PLXNA4: variants seen among roughly 807,000 people sequenced by gnomAD.
PLXNA4 encodes the protein plexin-A4.
PLXNA4 carries 44 observed loss-of-function variants against 191.8 expected under a neutral mutation model. That is an observed-to-expected ratio of 0.23 (90% confidence interval 0.18 to 0.29). PLXNA4 has a LOEUF of 0.29. Ranked by LOEUF, PLXNA4 falls within the 10% of genes least tolerant of loss-of-function variation. PLXNA4 has a pLI of 1.00. For missense variants in PLXNA4, 1,800 were observed against 2,488.8 expected, an observed-to-expected ratio of 0.72 and a Z score of 5.89; for synonymous variants, 1,082 against 1,009.5, an observed-to-expected ratio of 1.07 and a Z score of -1.36.
chr7:132,585,483 C>T (rs1421495477), intron 2 of PLXNA4, among the ~76,000 whole-genome samples: 1 of 152,014 alleles, frequency 6.6e-6, no homozygotes, highest in Admixed American at 6.6e-5. Flanking sequence ...GAGCCTGGCC[C>T]CCAAAGTGAC....
intron 3 of PLXNA4, among the ~76,000 whole-genome samples, chr7:132,397,558 C>A (rs1395757356): frequency 6.6e-6 from 1 of 152,180 alleles, no homozygotes; most frequent in Non-Finnish European, 1.5e-5. Flanking sequence ...CAGCTTCCCC[C>A]AAATCCAGGA....
At chr7:132,256,372 A>T (rs1409020097) in intron 4 of PLXNA4, among the ~76,000 whole-genome samples, 1 of 152,098 alleles carries the variant, frequency 6.6e-6, no homozygotes, top group Non-Finnish European at 1.5e-5. Flanking sequence ...CCTGCTTCGG[A>T]TGTTGCTGGG....
chr7:132,333,269 G>A (rs1411401106), intron 3 of PLXNA4, among the ~76,000 whole-genome samples: 1 of 152,214 alleles, frequency 6.6e-6, no homozygotes, highest in African/African-American at 2.4e-5. Context: ...GGCTTGTTGA[G>A]GGACTCCCAC....
At chr7:132,562,920 C>T (rs1469547249) in intron 1 of PLXNA4, among the ~76,000 whole-genome samples, 1 of 114,356 alleles carries the variant, frequency 8.7e-6, no homozygotes, top group Non-Finnish European at 1.8e-5. Context: ...CCTCTTCCTC[C>T]TCCTCCTCTC....
At chr7:132,233,103 G>C (rs1798578672) in intron 5 of PLXNA4, among the ~76,000 whole-genome samples, 1 of 152,166 alleles carries the variant, frequency 6.6e-6, no homozygotes. Flanking sequence ...AAAAAGAAAG[G>C]GGGTAAGGAT....
At chr7:132,459,991 C>T (rs1444862960) in intron 3 of PLXNA4, among the ~76,000 whole-genome samples, 2 of 151,898 alleles carry the variant, frequency 1.3e-5, no homozygotes, top group East Asian at 3.9e-4. Context: ...ATACCAGTAC[C>T]CAATGCAGTC....
At chr7:132,412,996 T>C (rs1794521076) in intron 3 of PLXNA4, among the ~76,000 whole-genome samples, 1 of 148,910 alleles carries the variant, frequency 6.7e-6, no homozygotes, top group Admixed American at 6.6e-5. Flanking sequence ...CTGAGGTCTT[T>C]AGAAACAAAG....
chr7:132,482,172 T>G (rs1797363995), intron 3 of PLXNA4, among the ~76,000 whole-genome samples: 1 of 152,158 alleles, frequency 6.6e-6, no homozygotes, highest in African/African-American at 2.4e-5. Context: ...CAGAGTCCCT[T>G]CCTGGAGTGT....
At chr7:132,336,980 C>G (rs557434692) in intron 3 of PLXNA4, among the ~76,000 whole-genome samples, 1 of 152,350 alleles carries the variant, frequency 6.6e-6, no homozygotes, top group African/African-American at 2.4e-5. Flanking sequence ...TCCCATCACA[C>G]CCAGGAAATC....
chr7:132,478,048 A>C (rs1481733001), intron 3 of PLXNA4, among the ~76,000 whole-genome samples: 1 of 152,192 alleles, frequency 6.6e-6, no homozygotes, highest in Non-Finnish European at 1.5e-5. Context: ...CATCAGTACT[A>C]TCAGCATCCC....
At chr7:132,623,858 C>A (rs927075717) in intron 2 of PLXNA4, among the ~76,000 whole-genome samples, 3 of 152,208 alleles carry the variant, frequency 2.0e-5, no homozygotes, top group African/African-American at 7.2e-5. Context: ...AACGTTGGAC[C>A]ATAAAGCCAA....
chr7:132,171,966 T>C (rs2116683464), intron 21 of PLXNA4, among the ~76,000 whole-genome samples: 1 of 152,358 alleles, frequency 6.6e-6, no homozygotes, highest in South Asian at 2.1e-4. Flanking sequence ...CCTGGACTGC[T>C]TTCCAGGGAT....
At chr7:132,402,666 A>G (rs1794041042) in intron 3 of PLXNA4, among the ~76,000 whole-genome samples, 1 of 152,240 alleles carries the variant, frequency 6.6e-6, no homozygotes, top group Admixed American at 6.5e-5. Flanking sequence ...ATCACAGGGT[A>G]TGCAGAGCAA....
At chr7:132,606,928 A>T (rs1473816113) in intron 2 of PLXNA4, among the ~76,000 whole-genome samples, 1 of 152,222 alleles carries the variant, frequency 6.6e-6, no homozygotes, top group African/African-American at 2.4e-5. Flanking sequence ...TCAGGAATGC[A>T]TCCCAAAGTG....
intron 4 of PLXNA4, among the ~76,000 whole-genome samples, chr7:132,261,205 C>A (rs1799629318): frequency 6.6e-6 from 1 of 152,194 alleles, no homozygotes; most frequent in African/African-American, 2.4e-5. Flanking sequence ...GCCACCAGTA[C>A]TGGGGCTGCT....
At chr7:132,234,081 G>GGAGGGAGGGA (rs1798613278) in intron 5 of PLXNA4, among the ~76,000 whole-genome samples, 2 of 152,150 alleles carry the variant, frequency 1.3e-5, no homozygotes, top group Non-Finnish European at 2.9e-5. Flanking sequence ...GAGCAGGAGT[G>GGAGGGAGGGA]GAGGGAGGGA....
intron 3 of PLXNA4, among the ~76,000 whole-genome samples, chr7:132,316,149 A>G (rs1801935692): frequency 6.6e-6 from 1 of 152,180 alleles, no homozygotes; most frequent in Non-Finnish European, 1.5e-5. Flanking sequence ...AACAAAGTGA[A>G]CGCCCACTTA....
chr7:132,497,534 A>G (rs1263716643), intron 2 of PLXNA4, among the ~76,000 whole-genome samples: 2 of 152,198 alleles, frequency 1.3e-5, no homozygotes, highest in Admixed American at 1.3e-4. Flanking sequence ...CTATTATTCT[A>G]TAAGATATTT....
chr7:132,332,701 A>G (rs1802639756), intron 3 of PLXNA4, among the ~76,000 whole-genome samples: 1 of 151,892 alleles, frequency 6.6e-6, no homozygotes, highest in Non-Finnish European at 1.5e-5. Context: ...AAAAAATACA[A>G]AACTAAACTT....
Sources: gnomAD v4.1 joint callset for allele counts (sites outside exome capture counted in the v4.1 genomes callset) on GRCh38, gnomAD v4.1.1 for gene constraint, MANE v1.5 for transcripts, NCBI Gene and HGNC (gene_info 2026-07-23, HGNC 2026-07-21) for gene names.